Variants in PICALM observed in about 807,000 individuals in gnomAD.
PICALM encodes the protein phosphatidylinositol-binding clathrin assembly protein.
PICALM carries 40 observed loss-of-function variants against 80.5 expected under a neutral mutation model. The observed-to-expected ratio is 0.50, with a 90% CI of 0.39 to 0.65. The LOEUF is 0.65. PICALM is among the 30% of genes least tolerant of loss of function. The pLI, the probability that PICALM is intolerant of heterozygous loss-of-function variation, is 0.00. For missense variants in PICALM, 676 were observed against 778.9 expected (o/e 0.87, Z 1.57); for synonymous variants, 288 against 260.3 (o/e 1.11, Z -1.02).
At position 86,011,110 on chromosome 11, in the gene PICALM, G is replaced by A; in HGVS notation, c.685C>T (p.Gln229Ter). The change falls in exon 7 of 20, where the codon CAA (glutamine) becomes TAA (stop). Residue 229 changes from glutamine (Q) to a stop codon, truncating the protein, a stop_gained. Transcript: ENST00000393346. LOFTEE classifies it high-confidence loss of function. ...LEKYFDMKKNQCKEGLDIYKK... is the reference protein window; with the variant it reads ...LEKYFDMKKN ...TAGATGTCAAGACCTTCTTTGCATT[G>A]GTTCTTTTTCATATCAAAATATTTT... The A allele has an allele frequency of 6.8e-7, 1 of 1,473,474 alleles. No individual in the cohort carries two copies. The highest frequency in any genetic ancestry group is 1.9e-5 in the Admixed American group (1 of 51,584). The allele number at this position is 1,473,474 out of a possible 1,614,324, so 91.3% of individuals were successfully genotyped here. A position where few individuals can be genotyped will look rare whatever the true frequency, so the allele number is the denominator to read the frequency against.
At chr11:85,991,047 A>G (rs1041282313) in intron 12 of PICALM, among the ~76,000 whole-genome samples, 9 of 152,186 alleles carry the variant, frequency 5.9e-5, no homozygotes, top group African/African-American at 1.4e-4. Flanking sequence ...AGGAACAACA[A>G]AAGTGTTGTT....
At chr11:86,062,925 A>G (rs919643773) in intron 1 of PICALM, among the ~76,000 whole-genome samples, 3 of 152,212 alleles carry the variant, frequency 2.0e-5, no homozygotes, top group African/African-American at 7.2e-5. Context: ...AAGAGCAAAT[A>G]CTAAGACTTT....
rs11407535 is a variant in PICALM at position 85,975,592 on chromosome 11, C to CTTTTT, written c.1840-785_1840-781dup. Among the ~76,000 whole-genome samples, 91 of 89,620 alleles carry CTTTTT rather than the reference C, an allele frequency of 1.0e-3. 1 individual carries two copies. The highest frequency in any genetic ancestry group is 1.7e-3 in the African/African-American group (37 of 22,136). The allele number at this position is 89,620 out of a possible 152,430, so 58.8% of individuals were successfully genotyped here. A position where few individuals can be genotyped will look rare whatever the true frequency, so the allele number is the denominator to read the frequency against. ...TTTATGGCCTGAGTTTCTCAGCAGACTTTTTTTTTTTTTTTTTTTTTTGAG... is the reference window on the plus strand; with the variant it reads ...TTTATGGCCTGAGTTTCTCAGCAGACTTTTTTTTTTTTTTTTTTTTTTTTTTTGAG... On this transcript the variant is annotated intron_variant, in intron 18 of 19. Transcript: ENST00000393346.
rs756826186 is a variant in PICALM at position 86,001,088 on chromosome 11, T to A, written c.964A>T (p.Arg322Trp). ...TCCTCTAATGCTGCCTGCTTTTCCC[T>A]TTCATCCACTTTGGTCAGAGATAGA... ...TGLSLTKVDE[R>W]EKQAALEEEQ... is the part of the protein sequence containing the mutation. The change falls in exon 10 of 20, where the codon AGG (arginine) becomes TGG (tryptophan). Residue 322 changes from arginine (R) to tryptophan (W), a missense_variant. Arg to Trp is a moderately radical substitution (Grantham distance 101, BLOSUM62 -3). Coordinates refer to ENST00000393346, the MANE Select transcript of PICALM (RefSeq NM_007166.4). 2 of 1,614,126 alleles carry A rather than the reference T, an allele frequency of 1.2e-6. No homozygotes were observed. Among genetic ancestry groups the A allele is most frequent in the Non-Finnish European group, 1.7e-6 (2 of 1,179,958 alleles).
At chr11:86,062,684 C>T (rs901828994) in intron 1 of PICALM, among the ~76,000 whole-genome samples, 2 of 152,096 alleles carry the variant, frequency 1.3e-5, no homozygotes, top group Non-Finnish European at 2.9e-5. Context: ...TAACAAATCA[C>T]AACTCTGAAC....
At chr11:85,974,092 A>C (rs1165418026) in intron 19 of PICALM, among the ~76,000 whole-genome samples, 1 of 152,190 alleles carries the variant, frequency 6.6e-6, no homozygotes, top group African/African-American at 2.4e-5. Context: ...GACAAAAAAC[A>C]ATGTATATTT....
At chr11:85,999,875 G>A (rs552175638) in intron 11 of PICALM, among the ~76,000 whole-genome samples, 123 of 152,284 alleles carry the variant, frequency 8.1e-4, no homozygotes, top group African/African-American at 2.9e-3. Context: ...TTGGGCCCCA[G>A]GCCCCACCTA....
intron 8 of PICALM, among the ~76,000 whole-genome samples, chr11:86,005,127 T>G (rs2095249910): frequency 6.6e-6 from 1 of 152,204 alleles, no homozygotes; most frequent in Non-Finnish European, 1.5e-5. Context: ...CAGTGAAGAT[T>G]AAGTAATCTG....
At chr11:86,060,294 C>A (rs987892023) in intron 1 of PICALM, among the ~76,000 whole-genome samples, 2 of 152,152 alleles carry the variant, frequency 1.3e-5, no homozygotes, top group African/African-American at 2.4e-5. Flanking sequence ...CCAATATTTA[C>A]TGTTAGAAAC....
At chr11:85,962,773 T>C (rs1477979751) in intron 19 of PICALM, among the ~76,000 whole-genome samples, 1 of 152,140 alleles carries the variant, frequency 6.6e-6, no homozygotes, top group African/African-American at 2.4e-5. Flanking sequence ...AAGTTTCTTA[T>C]CATCAATATC....
rs571690624 is a variant in PICALM at position 85,973,465 on chromosome 11, A to C, written c.1944+1243T>G. 9.8e-5 allele frequency among the ~76,000 whole-genome samples: 15 copies of C among 152,338 alleles called. No homozygotes were observed. In the South Asian group the frequency reaches 3.1e-3, roughly 32 times the overall value. On this transcript the variant is annotated intron_variant, in intron 19 of 19. Transcript: ENST00000393346. ...CAAGCATGTCCGTGAGCAAGAGCAC[A>C]CATTAACAAAACTTTTATTACAGTA... is the stretch of plus-strand genomic sequence containing the variant.
rs566602450 is a variant in PICALM, at chr11:86,065,454, A to AT, written c.130+3196_130+3197insA. 4.8e-4 allele frequency among the ~76,000 whole-genome samples: 72 copies of AT among 149,162 alleles called. 2 individuals are homozygous for AT. The South Asian group carries it at 0.014, about 30-fold the overall frequency. On this transcript the variant is annotated intron_variant, in intron 1 of 19. Transcript: ENST00000393346. ...GAGACTCCGTCTCAAAAAAAAAAAA[A>AT]ATTTGTTTTTTCTATCCTGCAATAA...
intron 1 of PICALM, among the ~76,000 whole-genome samples, chr11:86,061,490 T>A (rs922499327): frequency 2.0e-5 from 3 of 151,756 alleles, no homozygotes; most frequent in Non-Finnish European, 2.9e-5. Context: ...AAAGAAGATA[T>A]AAAGATGGCG....
At chr11:86,060,771 C>G (rs2096348328) in intron 1 of PICALM, among the ~76,000 whole-genome samples, 1 of 148,870 alleles carries the variant, frequency 6.7e-6, no homozygotes, top group African/African-American at 2.5e-5. Context: ...ACAGACATTA[C>G]ACTCACAAAA....
intron 2 of PICALM, 144 bp downstream of exon 2, chr11:86,031,325 T>C: frequency 1.7e-6 from 1 of 604,152 alleles, no homozygotes; most frequent in South Asian, 2.7e-5. Flanking sequence ...CTATCTTTCC[T>C]CAAATTACAG....
intron 13 of PICALM, among the ~76,000 whole-genome samples, chr11:85,990,008 CAAAAAAAAAA>C (rs5793177): frequency 1.1e-5 from 1 of 89,334 alleles, no homozygotes; most frequent in Non-Finnish European, 2.1e-5. Flanking sequence ...AACCAAACAC[CAAAAAAAAAA>C]AAAAAAAAAA....
intron 1 of PICALM, among the ~76,000 whole-genome samples, chr11:86,062,978 C>T (rs2096391349): frequency 6.6e-6 from 1 of 152,128 alleles, no homozygotes; most frequent in African/African-American, 2.4e-5. Context: ...AGGGCTCTAA[C>T]CTCTTGCCAA....
chr11:86,023,904 G>A (rs749784281), intron 3 of PICALM, among the ~76,000 whole-genome samples: 8 of 152,064 alleles, frequency 5.3e-5, no homozygotes, highest in Non-Finnish European at 1.0e-4. Flanking sequence ...TAGGAGGATC[G>A]CTTTAGACCA....
At chr11:86,053,461 C>A (rs2096222857) in intron 1 of PICALM, among the ~76,000 whole-genome samples, 2 of 152,184 alleles carry the variant, frequency 1.3e-5, no homozygotes, top group African/African-American at 4.8e-5. Flanking sequence ...CTGCTCAATT[C>A]ATGAATTGTT....
Sources: gnomAD v4.1 joint callset for allele counts (sites outside exome capture counted in the v4.1 genomes callset) on GRCh38, gnomAD v4.1.1 for gene constraint, MANE v1.5 for transcripts, NCBI Gene and HGNC (gene_info 2026-07-23, HGNC 2026-07-21) for gene names.